SPAG9: variants seen among roughly 807,000 people sequenced by gnomAD.
SPAG9 encodes C-Jun-amino-terminal kinase-interacting protein 4.
In SPAG9, 35 loss-of-function variants were observed where a neutral mutation model predicts 166.5. The observed-to-expected ratio is 0.21, with a 90% CI of 0.16 to 0.28. The LOEUF (loss-of-function observed/expected upper bound fraction) is 0.28. SPAG9 is among the 10% of genes least tolerant of loss of function. The pLI is 1.00. For missense variants in SPAG9, 1,235 were observed against 1,603.3 expected, an observed-to-expected ratio of 0.77 and a Z score of 3.92; for synonymous variants, 534 against 565.5, an observed-to-expected ratio of 0.94 and a Z score of 0.79.
rs555232343 is a variant in SPAG9, at chr17:50,987,975, G to T, written c.2814-738C>A. ...TCACGCCTATAATCCCAGCACTTTG[G>T]GAGGGTGAGGTGGGTGGATTTCTTG... On this transcript the variant is annotated intron_variant, in intron 21 of 29. Transcript: ENST00000262013. Among the ~76,000 whole-genome samples, 5 of 152,306 alleles carry T rather than the reference G, an allele frequency of 3.3e-5. No homozygotes were observed. In the East Asian group the frequency reaches 9.6e-4, roughly 29 times the overall value.
chr17:51,028,998 C>T (rs539804210), intron 6 of SPAG9, among the ~76,000 whole-genome samples: 8 of 152,198 alleles, frequency 5.3e-5, no homozygotes, highest in East Asian at 1.9e-4. Context: ...TGGAGACTTA[C>T]GCAGTCATCA....
chr17:50,996,743 T>C (rs754880107), intron 15 of SPAG9, 49 bp from the exon 16 acceptor site: 2 of 1,586,954 alleles, frequency 1.3e-6, no homozygotes, highest in South Asian at 1.1e-5. Flanking sequence ...TTTAATTACG[T>C]TTATCCCCAG....
rs542674146 is a variant in SPAG9 at position 51,083,061 on chromosome 17, C to A, written c.304-3357G>T. 7.2e-5 allele frequency among the ~76,000 whole-genome samples: 11 copies of A among 152,062 alleles called. No homozygotes were observed. The South Asian group carries it at 2.1e-3, about 29-fold the overall frequency. ...AGCATAGAGAAGAGCAGGCCTGAGA[C>A]TAAAGCCAATATAGAGAAAAAGAGC... On this transcript the variant is annotated intron_variant, in intron 1 of 29. Coordinates refer to ENST00000262013, the MANE Select transcript of SPAG9 (RefSeq NM_001130528.3).
intron 2 of SPAG9, among the ~76,000 whole-genome samples, chr17:51,075,880 G>A (rs890662880): frequency 1.3e-4 from 19 of 151,628 alleles, no homozygotes; most frequent in African/African-American, 2.2e-4. Flanking sequence ...TGGATCACGA[G>A]GTCAGGAGAT....
In SPAG9 at chr17:51,120,800, G is replaced by C; in HGVS notation, c.-144C>G. 1 of 552,708 alleles carries C rather than the reference G, an allele frequency of 1.8e-6. No homozygotes were observed. The allele number at this position is 552,708 out of a possible 1,614,324, so 34.2% of individuals were successfully genotyped here. A position where few individuals can be genotyped will look rare whatever the true frequency, so the allele number is the denominator to read the frequency against. ...GCTGGGGCTGGGCCCGGCGGGGTGG[G>C]GGCCGGGGCCGGAGGAGGGGAGGGG... On this transcript the variant is annotated 5_prime_UTR_variant, in exon 1 of 30. Transcript: ENST00000262013. This position sits in a 1 kb window ranked among gnomAD's most constrained non-coding sequence, Gnocchi z 4.7.
intron 5 of SPAG9, among the ~76,000 whole-genome samples, chr17:51,039,754 G>A (rs948530224): frequency 7.2e-5 from 11 of 152,236 alleles, no homozygotes; most frequent in Admixed American, 4.6e-4. Context: ...CTCTTAAGGC[G>A]CACTTTTGGG....
In SPAG9 at chr17:51,085,959, A is replaced by T. The variant is rs796866492; in HGVS notation, c.304-6255T>A. Among the ~76,000 whole-genome samples the T allele has an allele frequency of 2.4e-3, 210 of 88,076 alleles. 1 individual carries two copies. The highest frequency in any genetic ancestry group is 0.016 in the Middle Eastern group (2 of 122). 57.8% of individuals were successfully genotyped at this position (88,076 alleles called of 152,430 possible). On this transcript the variant is annotated intron_variant, in intron 1 of 29. Transcript: ENST00000262013. ...ATAATTTTTTATCCTCTTGGAAATC[A>T]TTTTTTTTTTTTTTTTTTTTTTTTT...
At chr17:50,986,077 C>T (rs143927499) in intron 22 of SPAG9, among the ~76,000 whole-genome samples, 1 of 152,202 alleles carries the variant, frequency 6.6e-6, no homozygotes, top group Admixed American at 6.5e-5. Flanking sequence ...TTTTGAATTG[C>T]CTTACCTCTC....
chr17:51,015,747 G>T (rs1375066880), intron 8 of SPAG9, among the ~76,000 whole-genome samples: 1 of 150,962 alleles, frequency 6.6e-6, no homozygotes, highest in African/African-American at 2.4e-5. Context: ...AAAAAAATCT[G>T]CCAGCAATTA....
intron 5 of SPAG9, among the ~76,000 whole-genome samples, chr17:51,035,325 G>A (rs1002003766): frequency 1.3e-5 from 2 of 152,174 alleles, no homozygotes; most frequent in African/African-American, 2.4e-5. Flanking sequence ...GGGATGCTGC[G>A]TGAAGGGTAT....
intron 7 of SPAG9, among the ~76,000 whole-genome samples, chr17:51,020,756 A>G (rs532766032): frequency 3.6e-4 from 55 of 152,268 alleles, no homozygotes; most frequent in African/African-American, 1.3e-3. Flanking sequence ...TGGTTCCAGA[A>G]CCCACCACAA....
Position 51,020,041 on chromosome 17 carries a change from T to C in SPAG9, c.1091+118A>G, listed in dbSNP as rs918240132. The C allele has an allele frequency of 2.0e-5, 13 of 643,666 alleles. 1 individual carries two copies. Among genetic ancestry groups the C allele is most frequent in the East Asian group, 2.7e-5 (1 of 36,806 alleles). The allele number at this position is 643,666 out of a possible 1,614,324, so 39.9% of individuals were successfully genotyped here. ...TTCAAGAATAGGAATTAGAATATAA[T>C]ACTAACATTTCTTCAACAAAACATC... is the stretch of plus-strand genomic sequence containing the variant. On this transcript the variant is annotated intron_variant, in intron 8 of 29. Coordinates refer to ENST00000262013, the MANE Select transcript of SPAG9 (RefSeq NM_001130528.3).
At chr17:50,974,709 A>G (rs1357831169) in intron 28 of SPAG9, 62 bp downstream of exon 28, 1 of 1,431,418 alleles carries the variant, frequency 7.0e-7, no homozygotes, top group African/African-American at 1.4e-5. Flanking sequence ...AGGTAGTGGA[A>G]CCAAGAGATG....
At chr17:51,078,693 A>G (rs1757670275) in intron 2 of SPAG9, among the ~76,000 whole-genome samples, 1 of 152,088 alleles carries the variant, frequency 6.6e-6, no homozygotes, top group African/African-American at 2.4e-5. Context: ...GTTTGAAACA[A>G]TAATTTTAAA....
In SPAG9 at chr17:50,970,788, C is replaced by T; in HGVS notation, c.3769G>A (p.Ala1257Thr). 6.2e-7 allele frequency: 1 copy of T among 1,614,112 alleles called. No homozygotes were observed. The highest frequency in any genetic ancestry group is 8.5e-7 in the Non-Finnish European group (1 of 1,179,978). The part of the protein sequence containing the change: ...DLTGDKAGPS[A>T]QEPGSQTPLK... ...GGCGTCTGACTACCAGGCTCCTGTG[C>T]AGATGGCCCTGCTTTGTCACCCGTC... The change falls in exon 29 of 30, where the codon GCA (alanine) becomes ACA (threonine). Residue 1257 changes from alanine (A) to threonine (T), a missense_variant. Physicochemically the swap from Ala to Thr is moderately conservative, Grantham distance 58 (BLOSUM62 0). Coordinates refer to ENST00000262013, the MANE Select transcript of SPAG9 (RefSeq NM_001130528.3).
At chr17:51,046,257 G>GA (rs2047016522) in intron 4 of SPAG9, among the ~76,000 whole-genome samples, 2 of 152,228 alleles carry the variant, frequency 1.3e-5, no homozygotes, top group South Asian at 4.1e-4. Context: ...AGACCACACT[G>GA]ACCTTGTACT....
intron 4 of SPAG9, chr17:51,046,571 A>C (rs1366739197): frequency 6.5e-7 from 1 of 1,536,176 alleles, no homozygotes; most frequent in South Asian, 1.2e-5. Flanking sequence ...CAAGCAGCAA[A>C]ACAGAGAGAG....
At chr17:51,056,309 T>C in intron 3 of SPAG9, 103 bp downstream of exon 3, 1 of 722,372 alleles carries the variant, frequency 1.4e-6, no homozygotes, top group South Asian at 1.6e-5. Context: ...GAATTATTCT[T>C]TTTTAAAAAA....
intron 3 of SPAG9, among the ~76,000 whole-genome samples, chr17:51,048,411 AG>A (rs954237736): frequency 3.3e-5 from 5 of 152,030 alleles, no homozygotes; most frequent in African/African-American, 1.2e-4. Context: ...AGGCAAGCAA[AG>A]GTTGATGTCT....
Sources: gnomAD v4.1 joint callset for allele counts (sites outside exome capture counted in the v4.1 genomes callset) on GRCh38, gnomAD v4.1.1 for gene constraint, Gnocchi (gnomAD v3.1) non-coding constraint, MANE v1.5 for transcripts, NCBI Gene and HGNC (gene_info 2026-07-23, HGNC 2026-07-21) for gene names.